Variants in PCNT observed in about 807,000 individuals in gnomAD.
PCNT encodes pericentrin.
Under a neutral mutation model 380.4 loss-of-function variants are expected in PCNT, and 319 were observed. The ratio of observed to expected loss-of-function variants is 0.84; its 90% CI spans 0.77 to 0.92. The LOEUF is 0.92. Among genes scored for constraint, PCNT ranks in the 40% least tolerant of loss-of-function variants. The pLI, the probability that PCNT is intolerant of heterozygous loss-of-function variation, is 0.00. For synonymous variants in PCNT, 1,845 were observed against 1,735.2 expected, an observed-to-expected ratio of 1.06 and a Z score of -1.57; for missense variants, 4,400 against 4,255.3, an observed-to-expected ratio of 1.03 and a Z score of -0.95.
At chr21:46,405,044 G>C (rs1466449273) in intron 27 of PCNT, among the ~76,000 whole-genome samples, 5 of 152,160 alleles carry the variant, frequency 3.3e-5, no homozygotes. Flanking sequence ...TTCGAGATCA[G>C]CCTGGACAAC....
At chr21:46,355,661 G>T (rs776309914) in intron 12 of PCNT, 35 bp downstream of exon 12, 8 of 1,610,420 alleles carry the variant, frequency 5.0e-6, no homozygotes, top group Non-Finnish European at 5.9e-6. Flanking sequence ...GTGTCGGCAG[G>T]TCCCGGGTCT....
chr21:46,411,465 G>T lies in PCNT; in HGVS notation c.5392G>T (p.Ala1798Ser), dbSNP rs1484070171. The T allele has an allele frequency of 2.5e-6, 4 of 1,610,118 alleles. No individual in the cohort carries two copies. The highest frequency in any genetic ancestry group is 2.7e-5 in the African/African-American group (2 of 74,876). The change falls in exon 28 of 47, where the codon GCC (alanine) becomes TCC (serine). Residue 1798 changes from alanine to serine, a missense_variant. Physicochemically the swap from Ala to Ser is moderately conservative, Grantham distance 99. Coordinates refer to ENST00000359568, the MANE Select transcript of PCNT (RefSeq NM_006031.6). ...LQGELEAALE[A>S]KEALSRLLAD... ...GGGCGAGCTCGAGGCTGCGCTGGAAGCCAAGGAGGCCCTGAGCCGGCTGCT... is the reference window on the plus strand; with the variant it reads ...GGGCGAGCTCGAGGCTGCGCTGGAATCCAAGGAGGCCCTGAGCCGGCTGCT...
chr21:46,390,937 GT>G (rs1196596554), intron 20 of PCNT, 105 bp downstream of exon 20: 1 of 1,397,296 alleles, frequency 7.2e-7, no homozygotes, highest in Non-Finnish European at 9.9e-7. Flanking sequence ...AAAGTGAAAT[GT>G]AAAAACAAAG....
intron 25 of PCNT, among the ~76,000 whole-genome samples, chr21:46,400,617 C>T (rs1185252592): frequency 6.7e-6 from 1 of 148,966 alleles, no homozygotes; most frequent in Non-Finnish European, 1.5e-5. Flanking sequence ...CTCCCGGGTT[C>T]AAGCGATCTC....
chr21:46,384,314 C>G (rs1210378885), intron 16 of PCNT, among the ~76,000 whole-genome samples: 689 of 75,538 alleles, frequency 9.1e-3, no homozygotes, highest in Middle Eastern at 0.029. Context: ...TGGCGGAAGC[C>G]CATTCACGGT....
At chr21:46,362,162 G>A (rs1399639842) in intron 13 of PCNT, among the ~76,000 whole-genome samples, 4 of 152,194 alleles carry the variant, frequency 2.6e-5, no homozygotes, top group African/African-American at 9.7e-5. Flanking sequence ...TAGCCGGCTT[G>A]CTTGCTTTTG....
intron 24 of PCNT, 36 bp downstream of exon 24, chr21:46,398,291 C>G: frequency 1.3e-6 from 2 of 1,582,980 alleles, no homozygotes; most frequent in Non-Finnish European, 1.7e-6. Flanking sequence ...ACTCCCTGCG[C>G]TGGCGCCCAG....
In PCNT at chr21:46,422,011, G is replaced by A. The variant is rs185445025; in HGVS notation, c.7066G>A (p.Gly2356Arg). ...GFGARLSPGS[G>R]GPEAQTAGPV... ...TGGAGCAAGACTGAGCCCGGGGTCA[G>A]GAGGCCCTGAGGCTCAAACTGCTGG... The change falls in exon 32 of 47, where the codon GGA becomes AGA. Residue 2356 changes from glycine (G) to arginine (R), a missense_variant. By Grantham distance (125) the Gly-to-Arg change is moderately radical. Coordinates refer to ENST00000359568, the MANE Select transcript of PCNT (RefSeq NM_006031.6). 6.2e-7 allele frequency: 1 copy of A among 1,614,076 alleles called. No homozygotes were observed. Among genetic ancestry groups the A allele is most frequent in the African/African-American group, 1.3e-5 (1 of 75,050 alleles).
Position 46,402,374 on chromosome 21 carries a change from T to C in PCNT, c.5006T>C (p.Leu1669Ser), listed in dbSNP as rs1395828112. The change falls in exon 27 of 47, where the codon TTA (leucine) becomes TCA (serine). Residue 1669 changes from leucine to serine, a missense_variant. Coordinates refer to ENST00000359568, the MANE Select transcript of PCNT (RefSeq NM_006031.6). ...KEQLEKMKGD[L>S]ESKNEEILHL... Reference sequence around the variant, plus strand: ...CAGCTAGAAAAGATGAAAGGTGACTTAGAAAGTAAAAATGAAGAAATACTA... The same window carrying C: ...CAGCTAGAAAAGATGAAAGGTGACTCAGAAAGTAAAAATGAAGAAATACTA... 3.7e-6 allele frequency: 6 copies of C among 1,612,200 alleles called. No homozygotes were observed. In the East Asian group the frequency reaches 1.1e-4, roughly 30 times the overall value.
At chr21:46,433,930 C>T (rs1268323005) in intron 38 of PCNT, among the ~76,000 whole-genome samples, 4 of 152,192 alleles carry the variant, frequency 2.6e-5, no homozygotes, top group Non-Finnish European at 4.4e-5. Context: ...TGTCACCACG[C>T]CCAGCCCAGC....
At chr21:46,403,679 T>A (rs2086520386) in intron 27 of PCNT, among the ~76,000 whole-genome samples, 1 of 146,042 alleles carries the variant, frequency 6.8e-6, no homozygotes, top group Admixed American at 6.7e-5. Context: ...GAATCGTGTG[T>A]GTGTGGTGCC....
intron 7 of PCNT, 91 bp from the exon 8 acceptor site, chr21:46,349,593 C>A: frequency 7.2e-7 from 1 of 1,388,080 alleles, no homozygotes; most frequent in Non-Finnish European, 1.0e-6. Context: ...CTCTGGGTGG[C>A]AGCGCTCTGG....
chr21:46,392,475 C>T (rs1434010342), intron 21 of PCNT, among the ~76,000 whole-genome samples: 5 of 152,246 alleles, frequency 3.3e-5, no homozygotes, highest in Non-Finnish European at 1.5e-5. Context: ...CCTGCCTCGG[C>T]CTCCCATAGT....
Position 46,431,940 on chromosome 21 carries a change from G to T in PCNT, c.8476G>T (p.Ala2826Ser), listed in dbSNP as rs752032700. The T allele has an allele frequency of 6.8e-6, 11 of 1,613,974 alleles. No homozygotes were observed. The highest frequency in any genetic ancestry group is 6.7e-5 in the African/African-American group (5 of 74,950). The change falls in exon 38 of 47, where the codon GCT (alanine) becomes TCT (serine). Residue 2826 changes from alanine (A) to serine (S), a missense_variant. Ala to Ser is a moderately conservative substitution (Grantham distance 99). Transcript: ENST00000359568. ...LHSQQQLEAE[A>S]QKHCEALRRE... Reference sequence around the variant, plus strand: ...TTCTCAGCAGCAGCTTGAGGCTGAGGCTCAGAAGCACTGTGAGGCGCTCAG... The same window carrying T: ...TTCTCAGCAGCAGCTTGAGGCTGAGTCTCAGAAGCACTGTGAGGCGCTCAG...
In PCNT at chr21:46,431,661, C is replaced by T. The variant is rs1330357474; in HGVS notation, c.8197C>T (p.Leu2733=). ...RIEHSRCEAL[L]AQERSQLSEL... is the part of the protein sequence containing the mutation. ...CGAGCACTCACGCTGCGAGGCCTTG[C>T]TGGCTCAGGAGCGGAGCCAGCTCTC... The change falls in exon 38 of 47, where the codon CTG becomes TTG. Residue 2733 remains leucine (L), a synonymous_variant. Coordinates refer to ENST00000359568, the MANE Select transcript of PCNT (RefSeq NM_006031.6). 1 of 1,613,634 alleles carries T rather than the reference C, an allele frequency of 6.2e-7. No individual in the cohort carries two copies. Among genetic ancestry groups the T allele is most frequent in the South Asian group, 1.1e-5 (1 of 91,090 alleles).
Position 46,397,430 on chromosome 21 carries a change from C to T in PCNT, c.4382C>T (p.Thr1461Ile), listed in dbSNP as rs1442770261. ...RGCAKQAEAV[T>I]ALEQQVASLD... ...TGTGCCAAGCAGGCGGAGGCCGTCA[C>T]TGCCCTGGAACAGCAGGTGGCATCT... The change falls in exon 22 of 47, where the codon ACT becomes ATT. Residue 1461 changes from threonine (T) to isoleucine (I), a missense_variant. Coordinates refer to ENST00000359568, the MANE Select transcript of PCNT (RefSeq NM_006031.6). 8.7e-6 allele frequency: 14 copies of T among 1,614,112 alleles called. No homozygotes were observed. Among genetic ancestry groups the T allele is most frequent in the African/African-American group, 1.3e-5 (1 of 74,948 alleles).
Position 46,411,721 on chromosome 21 carries a change from G to A in PCNT, c.5648G>A (p.Arg1883Gln), listed in dbSNP as rs770575971. 15 of 1,612,228 alleles carry A rather than the reference G, an allele frequency of 9.3e-6. No individual in the cohort carries two copies. In the African/African-American group the frequency reaches 1.3e-4, roughly 14 times the overall value. The stretch of plus-strand genomic sequence containing the variant: ...TTAGAAATCGACGCTCTGAACCAGC[G>A]GAAGGCGGCCCACTCTGCCGAGCTG... ...RNLEIDALNQ[R>Q]KAAHSAELEA... The change falls in exon 28 of 47, where the codon CGG becomes CAG. Residue 1883 changes from arginine (R) to glutamine (Q), a missense_variant. Physicochemically the swap from Arg to Gln is conservative, Grantham distance 43. Transcript: ENST00000359568.
chr21:46,360,518 G>A (rs1258983667), intron 13 of PCNT, among the ~76,000 whole-genome samples: 5 of 43,534 alleles, frequency 1.1e-4, no homozygotes, highest in South Asian at 1.3e-3. Context: ...CCACTGCGCC[G>A]GCTTTTTTTT....
chr21:46,368,461 C>G (rs1180445002), intron 15 of PCNT, among the ~76,000 whole-genome samples: 1 of 150,922 alleles, frequency 6.6e-6, no homozygotes, highest in Admixed American at 6.6e-5. Flanking sequence ...AAAAAAAAAG[C>G]GGTGATGGTT....
Sources: gnomAD v4.1 joint callset for allele counts (sites outside exome capture counted in the v4.1 genomes callset) on GRCh38, gnomAD v4.1.1 for gene constraint, MANE v1.5 for transcripts, NCBI Gene and HGNC (gene_info 2026-07-23, HGNC 2026-07-21) for gene names.